Variants in SCAMP1 observed in about 807,000 individuals in gnomAD.
SCAMP1 encodes secretory carrier-associated membrane protein 1.
SCAMP1 carries 15 observed loss-of-function variants against 41.8 expected under a neutral mutation model. The observed-to-expected ratio is 0.36, with a 90% CI of 0.24 to 0.55. The LOEUF (loss-of-function observed/expected upper bound fraction) is 0.55, where lower values mean the gene tolerates loss of function less well. SCAMP1 is among the 20% of genes least tolerant of loss of function. SCAMP1 has a pLI of 0.86. For synonymous variants in SCAMP1, 135 were observed against 136.8 expected (o/e 0.99, Z 0.09); for missense variants, 341 against 412.6 (o/e 0.83, Z 1.50).
Position 78,477,099 on chromosome 5 carries a change from T to A in SCAMP1, c.*1431T>A, listed in dbSNP as rs1754023442. ...ATATTAGAGGCTGGAAATCCTTATT[T>A]TTTAAAAAATCAGATAGGCATAAAT... is the stretch of plus-strand genomic sequence containing the variant. On this transcript the variant is annotated 3_prime_UTR_variant, in exon 9 of 9. Transcript: ENST00000621999. 6.6e-6 allele frequency: 1 copy of A among 152,146 alleles called. No homozygotes were observed. The highest frequency in any genetic ancestry group is 2.1e-4 in the South Asian group (1 of 4,828). 9.4% of individuals were successfully genotyped at this position (152,146 alleles called of 1,614,324 possible). A position where few individuals can be genotyped will look rare whatever the true frequency, so the allele number is the denominator to read the frequency against.
rs571062911 is a variant in SCAMP1, at chr5:78,457,615, G to A, written c.735-1630G>A. 5.1e-4 allele frequency among the ~76,000 whole-genome samples: 78 copies of A among 152,340 alleles called. 1 individual carries two copies. The East Asian group carries it at 0.015, about 29-fold the overall frequency. On this transcript the variant is annotated intron_variant, in intron 7 of 8. Transcript: ENST00000621999. ...CTGTCAGACAGGGACATTTAAGTCT[G>A]CAGAGGTTACTGCTGACTTTTTGTT...
intron 6 of SCAMP1, among the ~76,000 whole-genome samples, chr5:78,448,224 G>A (rs1213260652): frequency 1.5e-5 from 2 of 136,314 alleles, no homozygotes; most frequent in African/African-American, 5.5e-5. Flanking sequence ...AAAGATGGGT[G>A]TGTCACCATG....
intron 2 of SCAMP1, among the ~76,000 whole-genome samples, chr5:78,393,639 G>A (rs1446929974): frequency 6.6e-6 from 1 of 152,186 alleles, no homozygotes; most frequent in Non-Finnish European, 1.5e-5. Flanking sequence ...AAAAATGGAA[G>A]ATAGTCTTGA....
chr5:78,418,011 T>G (rs1752251035), intron 4 of SCAMP1, among the ~76,000 whole-genome samples: 1 of 152,166 alleles, frequency 6.6e-6, no homozygotes, highest in South Asian at 2.1e-4. Flanking sequence ...TTTTCATGTT[T>G]TGACTTCTTT....
intron 1 of SCAMP1, among the ~76,000 whole-genome samples, chr5:78,365,488 A>C (rs1192499763): frequency 2.0e-5 from 3 of 151,766 alleles, no homozygotes; most frequent in Admixed American, 6.6e-5. Context: ...AAAAAAAAAA[A>C]AAAAAAAAAA....
chr5:78,422,093 A>G (rs1308726982), intron 6 of SCAMP1, 133 bp downstream of exon 6: 2 of 676,222 alleles, frequency 3.0e-6, no homozygotes, highest in African/African-American at 3.7e-5. Context: ...CCTTCAGGAA[A>G]GTTCAATATA....
chr5:78,362,681 A>G (rs926284914), intron 1 of SCAMP1, among the ~76,000 whole-genome samples: 3 of 152,216 alleles, frequency 2.0e-5, no homozygotes, highest in Non-Finnish European at 4.4e-5. Context: ...TGACTGTTAT[A>G]GCACTGTCAG....
At chr5:78,463,539 A>T (rs10063742) in intron 8 of SCAMP1, among the ~76,000 whole-genome samples, 1 of 152,148 alleles carries the variant, frequency 6.6e-6, no homozygotes, top group Non-Finnish European at 1.5e-5. Context: ...TCATCTTCTC[A>T]CAGTAATGCC....
intron 6 of SCAMP1, among the ~76,000 whole-genome samples, chr5:78,441,337 G>A (rs75718871): frequency 0.014 from 2,131 of 152,226 alleles, 47 homozygotes; most frequent in African/African-American, 0.042. Flanking sequence ...GTCTTCAAAC[G>A]GATCACTATA....
chr5:78,479,157 AGAG>A lies in SCAMP1; in HGVS notation c.*3490_*3492del, dbSNP rs1754073762. 1 of 152,142 alleles carries A rather than the reference AGAG, an allele frequency of 6.6e-6. No homozygotes were observed. Among genetic ancestry groups the A allele is most frequent in the Non-Finnish European group, 1.5e-5 (1 of 68,010 alleles). 9.4% of individuals were successfully genotyped at this position (152,142 alleles called of 1,614,324 possible). On this transcript the variant is annotated 3_prime_UTR_variant, in exon 9 of 9. Coordinates refer to ENST00000621999, the MANE Select transcript of SCAMP1 (RefSeq NM_004866.6). ...TTTTTCCCCTGCTTATGTATACCTT[AGAG>A]TTACCATGGCTGTCATATACCATTT...
intron 1 of SCAMP1, among the ~76,000 whole-genome samples, chr5:78,377,332 T>C (rs1751090872): frequency 6.6e-6 from 1 of 152,178 alleles, no homozygotes; most frequent in South Asian, 2.1e-4. Context: ...AGCTTCTGTT[T>C]GTCACTCTTT....
chr5:78,390,016 AAGTT>A (rs1356402304), intron 2 of SCAMP1, among the ~76,000 whole-genome samples: 2 of 152,312 alleles, frequency 1.3e-5, no homozygotes, highest in Admixed American at 6.5e-5. Context: ...AGTTTATAGA[AAGTT>A]AGTCAGTATG....
At chr5:78,472,202 C>T (rs1753897101) in intron 8 of SCAMP1, among the ~76,000 whole-genome samples, 1 of 151,966 alleles carries the variant, frequency 6.6e-6, no homozygotes, top group African/African-American at 2.4e-5. Flanking sequence ...TCAACTGGTG[C>T]ATTTTTTTAA....
At chr5:78,367,727 C>T (rs562646771) in intron 1 of SCAMP1, among the ~76,000 whole-genome samples, 11 of 152,140 alleles carry the variant, frequency 7.2e-5, no homozygotes, top group Non-Finnish European at 1.5e-4. Context: ...GCGAGGTAGT[C>T]GTAGGATAAC....
chr5:78,443,212 CAAAAAA>C (rs398051015), intron 6 of SCAMP1, among the ~76,000 whole-genome samples: 19 of 66,042 alleles, frequency 2.9e-4, no homozygotes, highest in Admixed American at 9.3e-4. Flanking sequence ...GACTCTGTCT[CAAAAAA>C]AAAAAAAAAA....
chr5:78,395,455 T>G (rs908022850), intron 2 of SCAMP1, among the ~76,000 whole-genome samples: 4 of 152,218 alleles, frequency 2.6e-5, no homozygotes, highest in African/African-American at 4.8e-5. Flanking sequence ...TCATTTTCTG[T>G]TGCTGTGTAA....
chr5:78,435,617 GTCT>G (rs1178963191), intron 6 of SCAMP1, among the ~76,000 whole-genome samples: 1 of 152,124 alleles, frequency 6.6e-6, no homozygotes, highest in Non-Finnish European at 1.5e-5. Context: ...TCTTAATCTA[GTCT>G]ATCATTGATG....
chr5:78,472,627 C>T (rs980928645), intron 8 of SCAMP1, among the ~76,000 whole-genome samples: 7 of 152,146 alleles, frequency 4.6e-5, no homozygotes, highest in Admixed American at 2.6e-4. Flanking sequence ...CAGTATTTAG[C>T]ATTATGCACT....
intron 2 of SCAMP1, among the ~76,000 whole-genome samples, chr5:78,414,225 A>T (rs1580675929): frequency 6.6e-6 from 1 of 151,882 alleles, no homozygotes; most frequent in African/African-American, 2.4e-5. Flanking sequence ...GTTGAAAAAA[A>T]GGTCATATAC....
Sources: gnomAD v4.1 joint callset for allele counts (sites outside exome capture counted in the v4.1 genomes callset) on GRCh38, gnomAD v4.1.1 for gene constraint, MANE v1.5 for transcripts, NCBI Gene and HGNC (gene_info 2026-07-23, HGNC 2026-07-21) for gene names.